The following PGGT1B variants were observed in gnomAD, a reference collection of about 807,000 sequenced individuals.
PGGT1B encodes the protein protein geranylgeranyltransferase type I subunit beta, also known as geranylgeranyl transferase type-1 subunit beta.
PGGT1B carries 30 observed loss-of-function variants against 46.1 expected under a neutral mutation model. The ratio of observed to expected loss-of-function variants is 0.65; its 90% CI spans 0.49 to 0.88. The LOEUF (loss-of-function observed/expected upper bound fraction) is 0.88. Among genes scored for constraint, PGGT1B ranks in the 40% least tolerant of loss-of-function variants. The pLI is 0.00. For missense variants in PGGT1B, 376 were observed against 455.9 expected (o/e 0.82, Z 1.60); for synonymous variants, 170 against 160.0 (o/e 1.06, Z -0.47).
At chr5:115,260,132 G>A (rs745930594) in intron 1 of PGGT1B, among the ~76,000 whole-genome samples, 10 of 152,062 alleles carry the variant, frequency 6.6e-5, no homozygotes, top group Non-Finnish European at 1.2e-4. Context: ...TGAAACCGCA[G>A]ACAATACACT....
At chr5:115,250,864 GAACTATAT>G (rs1748063558) in intron 2 of PGGT1B, among the ~76,000 whole-genome samples, 1 of 152,092 alleles carries the variant, frequency 6.6e-6, no homozygotes, top group Non-Finnish European at 1.5e-5. Context: ...TGTAAAAATG[GAACTATAT>G]ACAATGTACT....
intron 5 of PGGT1B, among the ~76,000 whole-genome samples, chr5:115,232,428 G>A (rs1187084921): frequency 6.6e-6 from 1 of 151,958 alleles, no homozygotes; most frequent in African/African-American, 2.4e-5. Flanking sequence ...CATTTGCCAA[G>A]ACACAGAAAA....
Position 115,236,531 on chromosome 5 carries a change from A to T in PGGT1B, c.480-9T>A, listed in dbSNP as rs113352838. On this transcript the variant is annotated splice_polypyrimidine_tract_variant and intron_variant, in intron 4 of 8. Coordinates refer to ENST00000419445, the MANE Select transcript of PGGT1B (RefSeq NM_005023.4). ...CAGGTACTGCACAAAAACTGAAAAT[A>T]ATAACAACAATATGATTTTCTATTA... 7.9e-6 allele frequency: 12 copies of T among 1,512,914 alleles called. No individual in the cohort carries two copies. The African/African-American group carries it at 1.3e-4, about 16-fold the overall frequency. The allele number at this position is 1,512,914 out of a possible 1,614,324, so 93.7% of individuals were successfully genotyped here. A position where few individuals can be genotyped will look rare whatever the true frequency, so the allele number is the denominator to read the frequency against.
In PGGT1B at chr5:115,211,195, C is replaced by CT. The variant is rs1488703595; in HGVS notation, c.*1206_*1207insA. 1.3e-5 allele frequency: 2 copies of CT among 152,002 alleles called. No individual in the cohort carries two copies. The highest frequency in any genetic ancestry group is 6.6e-5 in the Admixed American group (1 of 15,260). The allele number at this position is 152,002 out of a possible 1,614,324, so 9.4% of individuals were successfully genotyped here. On this transcript the variant is annotated 3_prime_UTR_variant, in exon 9 of 9. Coordinates refer to ENST00000419445, the MANE Select transcript of PGGT1B (RefSeq NM_005023.4). Reference sequence around the variant, plus strand: ...TACTAGACGCAATAGTTCTGAATGTCACTGAGCAAGTAACGGATATGAGTT... The same window carrying CT: ...TACTAGACGCAATAGTTCTGAATGTCTACTGAGCAAGTAACGGATATGAGTT...
At chr5:115,253,923 C>T (rs762565199) in intron 1 of PGGT1B, among the ~76,000 whole-genome samples, 4 of 151,874 alleles carry the variant, frequency 2.6e-5, no homozygotes, top group South Asian at 2.1e-4. Flanking sequence ...AGTATCTTAC[C>T]GATGGCTTTG....
chr5:115,248,164 G>A (rs1747933795), intron 2 of PGGT1B, among the ~76,000 whole-genome samples: 1 of 151,920 alleles, frequency 6.6e-6, no homozygotes, highest in Admixed American at 6.6e-5. Flanking sequence ...TAATTTATGG[G>A]ATCTATTAAG....
rs899058062 is a variant in PGGT1B, at chr5:115,245,032, G to T, written c.260-3426C>A. On this transcript the variant is annotated intron_variant, in intron 2 of 8. Coordinates refer to ENST00000419445, the MANE Select transcript of PGGT1B (RefSeq NM_005023.4). ...TTCTTGGGATTGTCTTTTTTAAAGG[G>T]TATCCTTTCAAGTTACTAATCTGCT... is the stretch of plus-strand genomic sequence containing the variant. 3.9e-5 allele frequency among the ~76,000 whole-genome samples: 6 copies of T among 151,902 alleles called. No individual in the cohort carries two copies. In the South Asian group the frequency reaches 1.2e-3, roughly 32 times the overall value.
chr5:115,208,620 G>A lies in PGGT1B; in HGVS notation c.*3782C>T, dbSNP rs1756133086. On this transcript the variant is annotated 3_prime_UTR_variant, in exon 9 of 9. Transcript: ENST00000419445. ...GCTTCCTCCTTTTTTTCTTAAATAGGTTAGCTGGTAGTTTATCTGACTCAA... is the reference window on the plus strand; with the variant it reads ...GCTTCCTCCTTTTTTTCTTAAATAGATTAGCTGGTAGTTTATCTGACTCAA... 6.6e-6 allele frequency: 1 copy of A among 151,466 alleles called. No individual in the cohort carries two copies. The highest frequency in any genetic ancestry group is 2.1e-4 in the South Asian group (1 of 4,806). The allele number at this position is 151,466 out of a possible 1,614,324, so 9.4% of individuals were successfully genotyped here.
chr5:115,214,369 C>A (rs1756344949), intron 8 of PGGT1B, among the ~76,000 whole-genome samples: 1 of 152,080 alleles, frequency 6.6e-6, no homozygotes. Flanking sequence ...TATGTTTACT[C>A]CATAATAAAG....
chr5:115,215,165 T>C (rs1335065720), intron 8 of PGGT1B, among the ~76,000 whole-genome samples: 1 of 151,482 alleles, frequency 6.6e-6, no homozygotes, highest in Non-Finnish European at 1.5e-5. Flanking sequence ...TGCCTGGCTA[T>C]TTTTGTATTT....
chr5:115,253,515 C>T (rs185796309), intron 1 of PGGT1B, among the ~76,000 whole-genome samples: 67 of 152,062 alleles, frequency 4.4e-4, no homozygotes, highest in South Asian at 1.5e-3. Context: ...ACAAGACCCA[C>T]TGAAGCCAGA....
chr5:115,244,544 TAAAAAAA>T (rs970776890), intron 2 of PGGT1B, among the ~76,000 whole-genome samples: 1 of 146,710 alleles, frequency 6.8e-6, no homozygotes, highest in Non-Finnish European at 1.5e-5. Context: ...ATGCTATACT[TAAAAAAA>T]AAATAAAAAG....
intron 8 of PGGT1B, 138 bp from the exon 9 acceptor site, chr5:115,212,721 T>A (rs1756273429): frequency 1.8e-6 from 1 of 564,368 alleles, no homozygotes; most frequent in East Asian, 3.3e-5. Context: ...TTTAAAAATA[T>A]TTGCTTTCTC....
In PGGT1B at chr5:115,254,896, T is replaced by C. The variant is rs143663631; in HGVS notation, c.141-1641A>G. Among the ~76,000 whole-genome samples the C allele has an allele frequency of 2.8e-3, 429 of 152,232 alleles. 2 individuals are homozygous for C. The highest frequency in any genetic ancestry group is 0.01 in the African/African-American group (416 of 41,556). On this transcript the variant is annotated intron_variant, in intron 1 of 8. Coordinates refer to ENST00000419445, the MANE Select transcript of PGGT1B (RefSeq NM_005023.4). ...CTATTTGAATTAGAGAGGTAATTTA[T>C]CTAGGTAAGATCAGGATTATATTAA...
chr5:115,231,736 A>G (rs1307900196), intron 5 of PGGT1B: 1 of 152,044 alleles, frequency 6.6e-6, no homozygotes, highest in Non-Finnish European at 1.5e-5. Flanking sequence ...GTCCACCCTA[A>G]ATATGAGAAA....
rs573384416 is a variant in PGGT1B, at chr5:115,244,357, C to T, written c.260-2751G>A. Among the ~76,000 whole-genome samples the T allele has an allele frequency of 2.9e-3, 424 of 144,002 alleles. 1 individual carries two copies. Among genetic ancestry groups the T allele is most frequent in the African/African-American group, 0.01 (394 of 39,092 alleles). The allele number at this position is 144,002 out of a possible 152,430, so 94.5% of individuals were successfully genotyped here. On this transcript the variant is annotated intron_variant, in intron 2 of 8. Transcript: ENST00000419445. ...GCGGGCGCCTGTAGTCCCAGCTACT[C>T]GGGAGGCTGAGGCAGGAAAATGGCA... is the stretch of plus-strand genomic sequence containing the variant.
Position 115,236,414 on chromosome 5 carries a change from G to A in PGGT1B, c.588C>T (p.Ala196=). 6.3e-7 allele frequency: 1 copy of A among 1,594,114 alleles called. No individual in the cohort carries two copies. The highest frequency in any genetic ancestry group is 2.3e-5 in the East Asian group (1 of 43,726). Residue 196 remains alanine (A), a synonymous_variant, in exon 5 of 9, where the codon GCC becomes GCT. Transcript: ENST00000419445. ...NNWSGMDMKK[A]ITYIRRSMSY... is the part of the protein sequence containing the mutation. ...CCATACTCCTTCTAATATAGGTGAT[G>A]GCTTTTTTCATATCCATGCCTGACC...
intron 2 of PGGT1B, among the ~76,000 whole-genome samples, chr5:115,243,244 A>C (rs1757403243): frequency 1.3e-5 from 2 of 152,222 alleles, no homozygotes; most frequent in Non-Finnish European, 2.9e-5. Flanking sequence ...AATTCCAATA[A>C]TTTCAAGTAT....
chr5:115,234,445 A>C (rs892944904), intron 5 of PGGT1B, among the ~76,000 whole-genome samples: 2 of 151,972 alleles, frequency 1.3e-5, no homozygotes, highest in South Asian at 4.1e-4. Context: ...ATCTTTTTGT[A>C]TAGTTCTGAC....
Sources: gnomAD v4.1 joint callset for allele counts (sites outside exome capture counted in the v4.1 genomes callset) on GRCh38, gnomAD v4.1.1 for gene constraint, MANE v1.5 for transcripts, NCBI Gene and HGNC (gene_info 2026-07-23, HGNC 2026-07-21) for gene names.